Variants in BTNL8 observed in about 807,000 individuals in gnomAD.
BTNL8 encodes butyrophilin like 8, also known as butyrophilin-like protein 8.
In BTNL8, 22 loss-of-function variants were observed where a neutral mutation model predicts 36.1. The observed-to-expected ratio is 0.61, with a 90% CI of 0.44 to 0.87. The LOEUF (loss-of-function observed/expected upper bound fraction) is 0.87. BTNL8 is among the 40% of genes least tolerant of loss of function. The probability of loss-of-function intolerance (pLI) is 0.00; values close to 1 mark genes in which losing one functional copy is unlikely to be tolerated. For missense variants in BTNL8, 526 were observed against 616.9 expected (o/e 0.85, Z 1.56); for synonymous variants, 203 against 235.6 (o/e 0.86, Z 1.27).
chr5:180,904,938 T>C (rs1289868894), intron 1 of BTNL8, among the ~76,000 whole-genome samples: 4 of 151,656 alleles, frequency 2.6e-5, no homozygotes, highest in Admixed American at 2.0e-4. Flanking sequence ...CAGTATTTTA[T>C]TGAGGATTTT....
intron 3 of BTNL8, among the ~76,000 whole-genome samples, chr5:180,928,327 G>A (rs1758200509): frequency 1.3e-5 from 2 of 152,090 alleles, no homozygotes; most frequent in Non-Finnish European, 2.9e-5. Context: ...AAGAGCTCCT[G>A]GAGAAAGCAC....
In BTNL8 at chr5:180,927,256, C is replaced by G. The variant is rs1468419933; in HGVS notation, c.673+15642C>G. Among the ~76,000 whole-genome samples the G allele has an allele frequency of 2.0e-5, 3 of 152,262 alleles. No homozygotes were observed. The East Asian group carries it at 5.8e-4, about 29-fold the overall frequency. On this transcript the variant is annotated intron_variant, in intron 3 of 7. Coordinates refer to ENST00000340184, the MANE Select transcript of BTNL8 (RefSeq NM_001040462.3). ...TCCTGACTGGTAGAAGGCAAACTAG[C>G]AAACAGAAAGGAATAGCATCAACAT...
intron 3 of BTNL8, among the ~76,000 whole-genome samples, chr5:180,928,372 G>A (rs1469772682): frequency 6.6e-6 from 1 of 152,022 alleles, no homozygotes; most frequent in Non-Finnish European, 1.5e-5. Context: ...ACCAGCCATT[G>A]CAAAAACACA....
chr5:180,948,019 C>T, intron 4 of BTNL8: 1 of 668,040 alleles, frequency 1.5e-6, no homozygotes, highest in Non-Finnish European at 2.4e-6. Context: ...ACTTTTCACC[C>T]CCAAAACCAA....
At chr5:180,939,147 T>C (rs1473674090) in intron 3 of BTNL8, among the ~76,000 whole-genome samples, 2 of 152,048 alleles carry the variant, frequency 1.3e-5, no homozygotes, top group Non-Finnish European at 2.9e-5. Flanking sequence ...ATATACAAAA[T>C]AATGAACAAA....
At chr5:180,920,657 C>A (rs1757823013) in intron 3 of BTNL8, among the ~76,000 whole-genome samples, 1 of 151,980 alleles carries the variant, frequency 6.6e-6, no homozygotes, top group Non-Finnish European at 1.5e-5. Context: ...TAAAAAGCAA[C>A]ATGTGGAATG....
chr5:180,938,600 C>G (rs561085803), intron 3 of BTNL8, among the ~76,000 whole-genome samples: 2 of 150,502 alleles, frequency 1.3e-5, no homozygotes, highest in Non-Finnish European at 2.9e-5. Flanking sequence ...TCCACTGGCA[C>G]GATTTCGGCT....
chr5:180,947,038 G>T (rs1759292571), intron 3 of BTNL8, among the ~76,000 whole-genome samples: 1 of 152,128 alleles, frequency 6.6e-6, no homozygotes, highest in African/African-American at 2.4e-5. Flanking sequence ...AACTTGACAA[G>T]TCAATACAAA....
intron 1 of BTNL8, among the ~76,000 whole-genome samples, chr5:180,900,900 C>A (rs1756796013): frequency 6.6e-6 from 1 of 152,242 alleles, no homozygotes; most frequent in Non-Finnish European, 1.5e-5. Flanking sequence ...CCGCCCAGGA[C>A]TGCTAAAATC....
chr5:180,906,064 T>C (rs1757068343), intron 1 of BTNL8, among the ~76,000 whole-genome samples: 1 of 144,198 alleles, frequency 6.9e-6, no homozygotes, highest in Admixed American at 6.8e-5. Context: ...TGAGTTCAAT[T>C]CCTGGGTATC....
rs746398929 is a variant in BTNL8, at chr5:180,947,615, C to G, written c.777C>G (p.Ser259=). 1 of 1,614,162 alleles carries G rather than the reference C, an allele frequency of 6.2e-7. No individual in the cohort carries two copies. Among genetic ancestry groups the G allele is most frequent in the Non-Finnish European group, 8.5e-7 (1 of 1,180,030 alleles). ...FGIVGLKIFF[S]KFQWKIQAEL... ...TTGTTGGACTGAAGATTTTCTTCTC[C>G]AAATTCCAGTGTAAGCGAGAGAGAG... The change falls in exon 4 of 8, where the codon TCC becomes TCG. Residue 259 remains serine (S), a synonymous_variant. Coordinates refer to ENST00000340184, the MANE Select transcript of BTNL8 (RefSeq NM_001040462.3).
At chr5:180,936,188 C>T (rs1291870946) in intron 3 of BTNL8, among the ~76,000 whole-genome samples, 3 of 152,012 alleles carry the variant, frequency 2.0e-5, no homozygotes, top group Non-Finnish European at 2.9e-5. Context: ...GGGTTACAGG[C>T]GTGAGCCACC....
chr5:180,941,744 C>T (rs1364009299), intron 3 of BTNL8, among the ~76,000 whole-genome samples: 2 of 151,902 alleles, frequency 1.3e-5, no homozygotes, highest in Non-Finnish European at 2.9e-5. Flanking sequence ...TGAAATTCAA[C>T]ATCCTGCATG....
At chr5:180,909,415 A>T in intron 2 of BTNL8, 1 of 374,562 alleles carries the variant, frequency 2.7e-6, no homozygotes, top group Non-Finnish European at 3.7e-6. Context: ...ATTTATTTTT[A>T]AATTAACAAA....
intron 1 of BTNL8, among the ~76,000 whole-genome samples, chr5:180,905,609 T>A: frequency 9.8e-6 from 1 of 101,830 alleles, no homozygotes. Flanking sequence ...GTTCTTTTAA[T>A]TGTGATGTTA....
intron 3 of BTNL8, among the ~76,000 whole-genome samples, chr5:180,916,749 C>T (rs249357): frequency 0.59 from 90,026 of 152,108 alleles, 27,893 homozygotes; most frequent in African/African-American, 0.79. Flanking sequence ...AAACCACGTA[C>T]AGTACCAAAC....
chr5:180,902,309 T>C, intron 1 of BTNL8: 1 of 1,527,986 alleles, frequency 6.5e-7, no homozygotes, highest in Non-Finnish European at 8.9e-7. Flanking sequence ...TTTTCTCATC[T>C]TAAAAATAAA....
intron 1 of BTNL8, among the ~76,000 whole-genome samples, chr5:180,901,659 A>G (rs779387028): frequency 6.6e-6 from 1 of 152,190 alleles, no homozygotes; most frequent in East Asian, 1.9e-4. Flanking sequence ...CTCACAGAAA[A>G]CATGTAATTG....
At chr5:180,949,339 G>A in intron 7 of BTNL8, 74 bp downstream of exon 7, 1 of 1,455,052 alleles carries the variant, frequency 6.9e-7, no homozygotes, top group Non-Finnish European at 9.5e-7. Flanking sequence ...AACAGGGACA[G>A]ATACGGGAAC....
Sources: gnomAD v4.1 joint callset for allele counts (sites outside exome capture counted in the v4.1 genomes callset) on GRCh38, gnomAD v4.1.1 for gene constraint, MANE v1.5 for transcripts, NCBI Gene and HGNC (gene_info 2026-07-23, HGNC 2026-07-21) for gene names.